Variants in EYS observed in about 807,000 individuals in gnomAD.
EYS encodes the protein protein eyes shut homolog.
Under a neutral mutation model 282.1 loss-of-function variants are expected in EYS, and 250 were observed. The observed-to-expected ratio is 0.89, with a 90% CI of 0.80 to 0.98. The LOEUF is 0.98. Ranked by LOEUF, EYS falls within the 50% of genes least tolerant of loss-of-function variation. The pLI, the probability that EYS is intolerant of heterozygous loss-of-function variation, is 0.00. For missense variants in EYS, 4,016 were observed against 3,709.0 expected (o/e 1.08, Z -2.15); for synonymous variants, 1,355 against 1,282.9 (o/e 1.06, Z -1.20).
intron 26 of EYS, among the ~76,000 whole-genome samples, chr6:64,558,354 G>C: frequency 6.6e-6 from 1 of 152,024 alleles, no homozygotes; most frequent in South Asian, 2.1e-4. Context: ...TAATTCTAGT[G>C]GAGGAAGAAA....
intron 4 of EYS, among the ~76,000 whole-genome samples, chr6:65,494,108 T>C (rs567857431): frequency 1.6e-4 from 24 of 152,260 alleles, no homozygotes; most frequent in Admixed American, 8.5e-4. Context: ...GATGTAAATA[T>C]AGATATTTCA....
intron 21 of EYS, among the ~76,000 whole-genome samples, chr6:64,814,880 G>C (rs1336195792): frequency 1.3e-5 from 2 of 151,924 alleles, no homozygotes; most frequent in African/African-American, 4.8e-5. Context: ...ACCTTGAAAA[G>C]TGACAATTTT....
At chr6:65,472,678 A>G (rs1388742706) in intron 5 of EYS, among the ~76,000 whole-genome samples, 1 of 152,012 alleles carries the variant, frequency 6.6e-6, no homozygotes, top group Non-Finnish European at 1.5e-5. Context: ...GATAAAGTTC[A>G]AAGAGAGGAA....
intron 31 of EYS, among the ~76,000 whole-genome samples, chr6:64,130,190 T>C (rs902647765): frequency 1.1e-4 from 16 of 152,224 alleles, no homozygotes; most frequent in African/African-American, 3.4e-4. Flanking sequence ...TGTATGTTTA[T>C]TGCGGCACTA....
At chr6:64,028,909 C>T (rs1769674152) in intron 33 of EYS, among the ~76,000 whole-genome samples, 1 of 152,192 alleles carries the variant, frequency 6.6e-6, no homozygotes, top group Admixed American at 6.5e-5. Context: ...CTAATCTTAG[C>T]CAGAGGGACC....
At position 64,518,412 on chromosome 6, in the gene EYS, A is replaced by G. The variant is rs528995562; in HGVS notation, c.5644+71811T>C. On this transcript the variant is annotated intron_variant, in intron 26 of 42. Coordinates refer to ENST00000503581, the MANE Select transcript of EYS (RefSeq NM_001142800.2). The stretch of plus-strand genomic sequence containing the variant: ...TGACATTTTCTGCTTTCTCATGCAT[A>G]CTCTGAGTCTATGTCTGATTTCATA... Among the ~76,000 whole-genome samples the G allele has an allele frequency of 2.6e-5, 4 of 151,450 alleles. No individual in the cohort carries two copies. In the East Asian group the frequency reaches 7.8e-4, roughly 30 times the overall value.
chr6:64,155,990 A>ATATGTG lies in EYS; in HGVS notation c.6425-73989_6425-73988insCACATA, dbSNP rs1002178326. ...TCAAACATATCATTTATATATATAT[A>ATATGTG]TGTGTGTGTGTGTGTGTATGTGTGT... On this transcript the variant is annotated intron_variant, in intron 31 of 42. Transcript: ENST00000503581. 3.4e-4 allele frequency among the ~76,000 whole-genome samples: 51 copies of ATATGTG among 148,418 alleles called. 1 individual carries two copies. Among genetic ancestry groups the ATATGTG allele is most frequent in the African/African-American group, 1.2e-3 (50 of 40,404 alleles).
intron 19 of EYS, among the ~76,000 whole-genome samples, chr6:64,827,722 T>C (rs1011625264): frequency 2.0e-5 from 3 of 150,174 alleles, no homozygotes; most frequent in African/African-American, 7.3e-5. Context: ...AAAATGAGAG[T>C]TTTGTAAACG....
chr6:64,325,265 C>T (rs1016584869), intron 29 of EYS, among the ~76,000 whole-genome samples: 1 of 152,088 alleles, frequency 6.6e-6, no homozygotes, highest in African/African-American at 2.4e-5. Flanking sequence ...TGCAGACAAC[C>T]CCCTGGAGCC....
intron 25 of EYS, 76 bp from the exon 26 acceptor site, chr6:64,592,065 C>T: frequency 1.9e-6 from 2 of 1,053,724 alleles, no homozygotes; most frequent in Non-Finnish European, 2.6e-6. Flanking sequence ...GGATAAATCT[C>T]AGGCAAATTG....
At chr6:64,663,984 G>C (rs1371871358) in intron 22 of EYS, among the ~76,000 whole-genome samples, 2 of 152,240 alleles carry the variant, frequency 1.3e-5, no homozygotes, top group Non-Finnish European at 2.9e-5. Context: ...AGCCCGATCA[G>C]GAGTGGCATT....
Position 64,620,479 on chromosome 6 carries a change from T to G in EYS, c.3569-2946A>C, listed in dbSNP as rs1767410886. 2.0e-5 allele frequency among the ~76,000 whole-genome samples: 3 copies of G among 152,136 alleles called. No individual in the cohort carries two copies. The South Asian group carries it at 6.2e-4, about 31-fold the overall frequency. On this transcript the variant is annotated intron_variant, in intron 23 of 42. Transcript: ENST00000503581. Reference sequence around the variant, plus strand: ...TCTTACTGGTGGAACTCAATTATATTTGCAACTCCAGTTTTGAAGGATTCT... The same window carrying G: ...TCTTACTGGTGGAACTCAATTATATGTGCAACTCCAGTTTTGAAGGATTCT...
At chr6:64,404,265 A>T (rs1183504711) in intron 28 of EYS, among the ~76,000 whole-genome samples, 1 of 152,194 alleles carries the variant, frequency 6.6e-6, no homozygotes. Context: ...ATAGACAATG[A>T]GGCATACTCA....
intron 2 of EYS, among the ~76,000 whole-genome samples, chr6:65,633,694 C>T (rs76110528): frequency 0.026 from 4,028 of 152,298 alleles, 248 homozygotes; most frequent in East Asian, 0.18. Flanking sequence ...AATACCTACC[C>T]TCAAAGCCAC....
At chr6:64,923,027 G>T (rs1768400108) in intron 15 of EYS, among the ~76,000 whole-genome samples, 1 of 151,984 alleles carries the variant, frequency 6.6e-6, no homozygotes, top group Admixed American at 6.6e-5. Context: ...TTTGGGGTGG[G>T]ACTTTTCTTG....
chr6:64,394,660 C>G (rs1362271952), intron 28 of EYS, among the ~76,000 whole-genome samples: 1 of 151,752 alleles, frequency 6.6e-6, no homozygotes, highest in African/African-American at 2.4e-5. Flanking sequence ...AAACATTAGA[C>G]CTAAAACCAT....
chr6:65,329,303 G>A, intron 11 of EYS: 1 of 817,662 alleles, frequency 1.2e-6, no homozygotes, highest in African/African-American at 1.9e-5. Flanking sequence ...ATTTAATGAA[G>A]TTTGTTATAA....
intron 22 of EYS, among the ~76,000 whole-genome samples, chr6:64,682,227 G>T (rs893732189): frequency 3.9e-5 from 6 of 152,108 alleles, no homozygotes; most frequent in Non-Finnish European, 7.4e-5. Flanking sequence ...AATTAGCTGG[G>T]CGTGGTGGCG....
At chr6:64,550,423 G>A (rs1335086068) in intron 26 of EYS, among the ~76,000 whole-genome samples, 4 of 151,936 alleles carry the variant, frequency 2.6e-5, no homozygotes, top group Middle Eastern at 3.2e-3. Context: ...TTTAATGATC[G>A]CCATTCTAAC....
Sources: allele counts gnomAD v4.1 joint callset (sites outside exome capture counted in the v4.1 genomes callset), GRCh38; gene constraint gnomAD v4.1.1; transcripts MANE v1.5; gene names NCBI Gene and HGNC (gene_info 2026-07-23, HGNC 2026-07-21).